PASD1: variants seen among roughly 807,000 people sequenced by gnomAD.
PASD1 encodes the protein circadian clock protein PASD1.
PASD1 carries 13 observed loss-of-function variants against 58.8 expected under a neutral mutation model. That is an observed-to-expected ratio of 0.22 (90% CI 0.14 to 0.35). The LOEUF (loss-of-function observed/expected upper bound fraction) is 0.35. Ranked by LOEUF, PASD1 falls within the 10% of genes least tolerant of loss-of-function variation. The pLI, the probability that PASD1 is intolerant of heterozygous loss-of-function variation, is 1.00. For missense variants in PASD1, 734 were observed against 568.3 expected (o/e 1.29, Z -2.96); for synonymous variants, 236 against 216.7 (o/e 1.09, Z -0.78).
intron 7 of PASD1, 93 bp downstream of exon 7, chrX:151,623,157 C>T: frequency 9.8e-7 from 1 of 1,020,499 alleles, no homozygotes; most frequent in Non-Finnish European, 1.3e-6. Flanking sequence ...CACTGGACAA[C>T]ATTGCTAAAT....
At position 151,625,542 on chromosome X, in the gene PASD1, T is replaced by C. The variant is rs1455454481; in HGVS notation, c.629+12T>C. ...GTGGGAGAGCTCAGGTGAGAGGTAG[T>C]ATTGATAAAGCTAATGAAGATCTAG... On this transcript the variant is annotated intron_variant, in intron 8 of 15. Transcript: ENST00000370357. 4 of 1,152,502 alleles carry C rather than the reference T, an allele frequency of 3.5e-6. No individual in the cohort carries two copies. The highest frequency in any genetic ancestry group is 3.5e-6 in the Non-Finnish European group (3 of 847,043). The allele number at this position is 1,152,502 out of a possible 1,213,427, so 95.0% of individuals were successfully genotyped here. A position where few individuals can be genotyped will look rare whatever the true frequency, so the allele number is the denominator to read the frequency against.
intron 1 of PASD1, among the ~76,000 whole-genome samples, chrX:151,573,647 G>A (rs2012958786): frequency 8.9e-6 from 1 of 112,550 alleles, no homozygotes; most frequent in Admixed American, 9.4e-5. Flanking sequence ...TGGGGGAAGT[G>A]CTTTGAAAGA....
At chrX:151,636,402 C>A (rs1371459938) in intron 8 of PASD1, among the ~76,000 whole-genome samples, 1 of 111,136 alleles carries the variant, frequency 9.0e-6, no homozygotes, top group Non-Finnish European at 1.9e-5. Flanking sequence ...CTTTTTCTTT[C>A]TTTCTTTTTT....
At chrX:151,651,024 T>C (rs1335416210) in intron 9 of PASD1, among the ~76,000 whole-genome samples, 1 of 111,711 alleles carries the variant, frequency 9.0e-6, no homozygotes, top group East Asian at 2.8e-4. Flanking sequence ...TTGAGGAAGC[T>C]ACTTGAAGTG....
At chrX:151,663,945 C>G (rs1404717467) in intron 10 of PASD1, among the ~76,000 whole-genome samples, 174 bp from the exon 11 acceptor site, 1 of 112,141 alleles carries the variant, frequency 8.9e-6, no homozygotes, top group Non-Finnish European at 1.9e-5. Context: ...ACACTCTCTC[C>G]CTTTTCTTCA....
chrX:151,591,902 A>ACT (rs754453023), intron 1 of PASD1, among the ~76,000 whole-genome samples: 4 of 110,166 alleles, frequency 3.6e-5, no homozygotes, highest in East Asian at 2.9e-4. Context: ...ACACACACAT[A>ACT]CTCTCTCTCT....
Position 151,566,204 on chromosome X carries a change from G to T in PASD1, c.-28+2365G>T, listed in dbSNP as rs1368144009. On this transcript the variant is annotated intron_variant, in intron 1 of 15. Coordinates refer to ENST00000370357, the MANE Select transcript of PASD1 (RefSeq NM_173493.3). ...TTTAGGGAGTCCATAGGCTAGTGGA[G>T]CAGAGAAACGTGCAAACAAATTATT... Among the ~76,000 whole-genome samples, 6 of 112,267 alleles carry T rather than the reference G, an allele frequency of 5.3e-5. No homozygotes were observed. In the East Asian group the frequency reaches 1.7e-3, roughly 31 times the overall value.
intron 1 of PASD1, among the ~76,000 whole-genome samples, chrX:151,575,947 T>A (rs1462389836): frequency 9.0e-6 from 1 of 111,002 alleles, no homozygotes; most frequent in Non-Finnish European, 1.9e-5. Context: ...CACTGCAACC[T>A]CCACCTCCCA....
intron 11 of PASD1, among the ~76,000 whole-genome samples, chrX:151,668,851 C>T (rs1193436856): frequency 2.8e-5 from 3 of 107,480 alleles, no homozygotes; most frequent in Middle Eastern, 4.4e-3. Flanking sequence ...CTACCTAACT[C>T]GTTTTATGAG....
At chrX:151,638,282 T>C (rs1169874393) in intron 8 of PASD1, among the ~76,000 whole-genome samples, 3 of 97,854 alleles carry the variant, frequency 3.1e-5, no homozygotes, top group Non-Finnish European at 4.1e-5. Context: ...CATCACACAC[T>C]GGGGCCTTTT....
intron 8 of PASD1, among the ~76,000 whole-genome samples, chrX:151,629,769 C>A (rs928280000): frequency 1.8e-5 from 2 of 112,135 alleles, no homozygotes; most frequent in Non-Finnish European, 3.8e-5. Context: ...TAAACATATT[C>A]TTGCATGCAC....
At chrX:151,638,788 T>A (rs779063434) in intron 8 of PASD1, among the ~76,000 whole-genome samples, 2 of 111,819 alleles carry the variant, frequency 1.8e-5, no homozygotes, top group Non-Finnish European at 3.8e-5. Flanking sequence ...CATAAACTTT[T>A]TTTTTCCCAA....
chrX:151,571,164 C>T (rs2012921519), intron 1 of PASD1, among the ~76,000 whole-genome samples: 1 of 112,108 alleles, frequency 8.9e-6, no homozygotes, highest in South Asian at 3.7e-4. Flanking sequence ...TGAACATTGG[C>T]AAACTTGCAC....
intron 4 of PASD1, among the ~76,000 whole-genome samples, chrX:151,612,317 T>C: frequency 9.4e-6 from 1 of 106,244 alleles, no homozygotes; most frequent in South Asian, 4.3e-4. Context: ...TTTATAATCC[T>C]TTGGGTATAT....
intron 8 of PASD1, among the ~76,000 whole-genome samples, chrX:151,642,873 A>G (rs1429335031): frequency 1.8e-5 from 2 of 111,603 alleles, no homozygotes; most frequent in Non-Finnish European, 3.8e-5. Context: ...AGCAGGGGAC[A>G]AGAGAGGGGA....
At chrX:151,575,470 C>T (rs1195882744) in intron 1 of PASD1, among the ~76,000 whole-genome samples, 2 of 111,324 alleles carry the variant, frequency 1.8e-5, no homozygotes, top group African/African-American at 6.5e-5. Context: ...ATACATAACA[C>T]TCATCAGTTT....
At chrX:151,588,746 T>C (rs1195060245) in intron 1 of PASD1, among the ~76,000 whole-genome samples, 1 of 112,152 alleles carries the variant, frequency 8.9e-6, no homozygotes, top group Non-Finnish European at 1.9e-5. Context: ...GGATATGTTC[T>C]CTCTTAGTCT....
intron 4 of PASD1, among the ~76,000 whole-genome samples, chrX:151,620,470 G>C (rs1350220297): frequency 9.1e-6 from 1 of 109,827 alleles, no homozygotes; most frequent in Non-Finnish European, 1.9e-5. Context: ...AAGAAATTAG[G>C]TCAGCTGAAA....
At chrX:151,611,631 TATTTA>T (rs750086212) in intron 3 of PASD1, 28 bp from the exon 4 acceptor site, 3 of 985,227 alleles carry the variant, frequency 3.0e-6, no homozygotes, top group Admixed American at 2.7e-5. Context: ...ATTGTTCCAC[TATTTA>T]ATTACATTAT....
Sources: allele counts gnomAD v4.1 joint callset (sites outside exome capture counted in the v4.1 genomes callset), GRCh38; gene constraint gnomAD v4.1.1; transcripts MANE v1.5; gene names NCBI Gene and HGNC (gene_info 2026-07-23, HGNC 2026-07-21).